Variants in GPC5 observed in about 807,000 individuals in gnomAD.
GPC5 encodes the protein glypican-5.
In GPC5, 47 loss-of-function variants were observed where a neutral mutation model predicts 53.9. The ratio of observed to expected loss-of-function variants is 0.87; its 90% CI spans 0.69 to 1.11. The LOEUF is 1.11. GPC5 is among the 50% of genes most tolerant of loss of function. The pLI is 0.00. For missense variants in GPC5, 748 were observed against 713.1 expected, an observed-to-expected ratio of 1.05 and a Z score of -0.56; for synonymous variants, 286 against 263.3, an observed-to-expected ratio of 1.09 and a Z score of -0.84.
In GPC5 at chr13:91,846,994, C is replaced by T. The variant is rs112386666; in HGVS notation, c.1281-60943C>T. Reference sequence around the variant, plus strand: ...CAGCACTTTGGGAGGCTGAGGTGCGCGGATCACTAGGTCAGGAGATCGAGA... The same window carrying T: ...CAGCACTTTGGGAGGCTGAGGTGCGTGGATCACTAGGTCAGGAGATCGAGA... On this transcript the variant is annotated intron_variant, in intron 5 of 7. Coordinates refer to ENST00000377067, the MANE Select transcript of GPC5 (RefSeq NM_004466.6). 4.4e-3 allele frequency among the ~76,000 whole-genome samples: 670 copies of T among 151,954 alleles called. 5 individuals are homozygous for T. Among genetic ancestry groups the T allele is most frequent in the African/African-American group, 0.015 (608 of 41,436 alleles).
intron 3 of GPC5, among the ~76,000 whole-genome samples, chr13:91,695,526 A>G (rs964211218): frequency 6.6e-6 from 1 of 151,968 alleles, no homozygotes; most frequent in African/African-American, 2.4e-5. Context: ...GGTGCCCACT[A>G]CCATGCCCAA....
At chr13:91,402,017 G>T (rs1170573713) in intron 1 of GPC5, among the ~76,000 whole-genome samples, 4 of 152,084 alleles carry the variant, frequency 2.6e-5, no homozygotes, top group African/African-American at 9.7e-5. Flanking sequence ...GTCTTTTAAA[G>T]GTCTTTTCAT....
chr13:91,664,344 C>T (rs1208059275), intron 2 of GPC5, among the ~76,000 whole-genome samples: 2 of 152,218 alleles, frequency 1.3e-5, no homozygotes, highest in Admixed American at 1.3e-4. Context: ...ATTCATGTGA[C>T]TCACCTCTGT....
At chr13:91,793,214 C>G (rs1203307459) in intron 5 of GPC5, among the ~76,000 whole-genome samples, 1 of 152,054 alleles carries the variant, frequency 6.6e-6, no homozygotes, top group African/African-American at 2.4e-5. Flanking sequence ...ATGGTGGCAG[C>G]AAGGAGAAGT....
At chr13:91,515,751 T>C (rs1885463394) in intron 2 of GPC5, among the ~76,000 whole-genome samples, 1 of 137,298 alleles carries the variant, frequency 7.3e-6, no homozygotes, top group Non-Finnish European at 1.6e-5. Context: ...GATAGTCTTC[T>C]GTACTTTTAA....
chr13:92,808,612 A>AT (rs1399757919), intron 7 of GPC5, among the ~76,000 whole-genome samples: 1 of 152,018 alleles, frequency 6.6e-6, no homozygotes, highest in Non-Finnish European at 1.5e-5. Context: ...AAACAAGATG[A>AT]TTTTTTCTAA....
At chr13:91,960,753 T>C (rs895295407) in intron 6 of GPC5, among the ~76,000 whole-genome samples, 1 of 151,828 alleles carries the variant, frequency 6.6e-6, no homozygotes, top group African/African-American at 2.4e-5. Context: ...AATCTACATA[T>C]GTACAGCTAC....
At chr13:92,086,864 G>A (rs2041340107) in intron 6 of GPC5, among the ~76,000 whole-genome samples, 1 of 152,074 alleles carries the variant, frequency 6.6e-6, no homozygotes, top group Non-Finnish European at 1.5e-5. Context: ...TCACCATGTT[G>A]GCCAGGCTGG....
At chr13:92,326,662 C>T (rs575713107) in intron 7 of GPC5, among the ~76,000 whole-genome samples, 15 of 152,216 alleles carry the variant, frequency 9.9e-5, no homozygotes, top group African/African-American at 3.6e-4. Context: ...AATAACTGGT[C>T]TAGTTCTTCA....
At chr13:92,069,580 C>G (rs2041194713) in intron 6 of GPC5, among the ~76,000 whole-genome samples, 1 of 151,970 alleles carries the variant, frequency 6.6e-6, no homozygotes, top group Non-Finnish European at 1.5e-5. Context: ...AGGCTAATAT[C>G]CAGTTGAATA....
At chr13:91,777,932 C>T (rs1301326830) in intron 5 of GPC5, among the ~76,000 whole-genome samples, 24 of 152,074 alleles carry the variant, frequency 1.6e-4, no homozygotes, top group Admixed American at 1.6e-3. Context: ...TGCTTGGCAC[C>T]GCAATAGACT....
At chr13:92,664,955 T>C (rs1005195757) in intron 7 of GPC5, among the ~76,000 whole-genome samples, 1 of 152,180 alleles carries the variant, frequency 6.6e-6, no homozygotes, top group African/African-American at 2.4e-5. Context: ...CATGGAATAT[T>C]ATGCAGATGT....
chr13:91,929,795 T>G (rs187506272), intron 6 of GPC5, among the ~76,000 whole-genome samples: 1 of 140,840 alleles, frequency 7.1e-6, no homozygotes, highest in Non-Finnish European at 1.5e-5. Flanking sequence ...ATTTCCTTTT[T>G]GTCTCTCAGA....
At chr13:92,685,055 T>C (rs1887219876) in intron 7 of GPC5, among the ~76,000 whole-genome samples, 1 of 152,024 alleles carries the variant, frequency 6.6e-6, no homozygotes, top group Non-Finnish European at 1.5e-5. Context: ...AATTTTCCTT[T>C]CCCTTTCCAT....
intron 2 of GPC5, among the ~76,000 whole-genome samples, chr13:91,609,127 G>A: frequency 6.7e-6 from 1 of 148,618 alleles, no homozygotes; most frequent in Non-Finnish European, 1.5e-5. Flanking sequence ...TAAATATTTT[G>A]TTGAAGAGGT....
At chr13:91,489,139 C>G (rs961140269) in intron 2 of GPC5, among the ~76,000 whole-genome samples, 1 of 152,190 alleles carries the variant, frequency 6.6e-6, no homozygotes. Flanking sequence ...TTTAATTTTG[C>G]CCCGGTCCTG....
chr13:92,062,561 C>T (rs1224138013), intron 6 of GPC5, among the ~76,000 whole-genome samples: 2 of 151,934 alleles, frequency 1.3e-5, no homozygotes, highest in East Asian at 3.9e-4. Flanking sequence ...CTATTATTAT[C>T]TAAGATATTT....
chr13:91,651,074 C>T (rs147775258), intron 2 of GPC5, among the ~76,000 whole-genome samples: 1 of 152,138 alleles, frequency 6.6e-6, no homozygotes, highest in East Asian at 1.9e-4. Context: ...TATTAGTTTG[C>T]TGACTGCCTT....
chr13:91,682,949 C>T (rs371954415), intron 2 of GPC5, among the ~76,000 whole-genome samples: 1 of 150,490 alleles, frequency 6.6e-6, no homozygotes, highest in Non-Finnish European at 1.5e-5. Context: ...TTTTTGTCTT[C>T]TGTGATCAGT....
Sources: gnomAD v4.1 joint callset for allele counts (sites outside exome capture counted in the v4.1 genomes callset) on GRCh38, gnomAD v4.1.1 for gene constraint, MANE v1.5 for transcripts, NCBI Gene and HGNC (gene_info 2026-07-23, HGNC 2026-07-21) for gene names.